The following CSMD1 variants were observed in gnomAD, a reference collection of about 807,000 sequenced individuals.
CSMD1 encodes the protein CUB and sushi domain-containing protein 1.
A neutral mutation model predicts 417.5 loss-of-function variants in CSMD1; 213 were observed. The observed-to-expected ratio is 0.51, with a 90% CI of 0.46 to 0.57. The LOEUF (loss-of-function observed/expected upper bound fraction) is 0.57, where lower values mean the gene tolerates loss of function less well. Among genes scored for constraint, CSMD1 ranks in the 20% least tolerant of loss-of-function variants. The pLI, the probability that CSMD1 is intolerant of heterozygous loss-of-function variation, is 0.00. For synonymous variants in CSMD1, 2,862 were observed against 1,736.8 expected, an observed-to-expected ratio of 1.65 and a Z score of -16.11; for missense variants, 6,923 against 4,529.7, an observed-to-expected ratio of 1.53 and a Z score of -15.17.
chr8:3,348,734 C>T (rs1259811771), intron 21 of CSMD1, among the ~76,000 whole-genome samples: 2 of 152,204 alleles, frequency 1.3e-5, no homozygotes, highest in Non-Finnish European at 2.9e-5. Flanking sequence ...TAATTATCTG[C>T]TTCTCCCTCT....
At chr8:4,301,823 A>C (rs567345916) in intron 3 of CSMD1, among the ~76,000 whole-genome samples, 1 of 152,204 alleles carries the variant, frequency 6.6e-6, no homozygotes, top group Admixed American at 6.6e-5. Context: ...GTCCCCATAA[A>C]CTTTTCAGAA....
intron 3 of CSMD1, among the ~76,000 whole-genome samples, chr8:4,100,795 C>G (rs904979428): frequency 6.6e-6 from 1 of 151,560 alleles, no homozygotes; most frequent in Non-Finnish European, 1.5e-5. Flanking sequence ...AGTATGGTGC[C>G]AAAAAATAAA....
At chr8:4,320,521 C>A (rs893270325) in intron 3 of CSMD1, among the ~76,000 whole-genome samples, 13 of 152,104 alleles carry the variant, frequency 8.5e-5, no homozygotes, top group East Asian at 3.9e-4. Flanking sequence ...CCCCCACCCC[C>A]CAACAGGCCC....
rs1193867756 is a variant in CSMD1, at chr8:4,266,665, T to C, written c.415+153288A>G. ...TATTTGTCATCTATGAACATTGATA[T>C]AACTTGAAAAATACATTATCAAAGA... On this transcript the variant is annotated intron_variant, in intron 3 of 69. Coordinates refer to ENST00000635120, the MANE Select transcript of CSMD1 (RefSeq NM_033225.6). Among the ~76,000 whole-genome samples, 2 of 105,090 alleles carry C rather than the reference T, an allele frequency of 1.9e-5. 1 individual carries two copies. The highest frequency in any genetic ancestry group is 5.2e-5 in the African/African-American group (2 of 38,526). 68.9% of individuals were successfully genotyped at this position (105,090 alleles called of 152,430 possible).
intron 2 of CSMD1, among the ~76,000 whole-genome samples, chr8:4,500,356 T>C (rs1037201542): frequency 6.6e-6 from 1 of 152,156 alleles, no homozygotes; most frequent in African/African-American, 2.4e-5. Flanking sequence ...AAACATATAA[T>C]AATAAATTGA....
rs558764956 is a variant in CSMD1 at position 4,938,094 on chromosome 8, A to T, written c.85+56238T>A. 1.3e-4 allele frequency among the ~76,000 whole-genome samples: 20 copies of T among 152,324 alleles called. No individual in the cohort carries two copies. The South Asian group carries it at 3.9e-3, about 30-fold the overall frequency. ...TGATTAAAATTTTATCCCTTTTAGTAGCAACAAAGAATTTTAAGTTAATAA... is the reference window on the plus strand; with the variant it reads ...TGATTAAAATTTTATCCCTTTTAGTTGCAACAAAGAATTTTAAGTTAATAA... On this transcript the variant is annotated intron_variant, in intron 1 of 69. Transcript: ENST00000635120.
At chr8:4,249,919 G>T (rs529820567) in intron 3 of CSMD1, among the ~76,000 whole-genome samples, 1 of 152,152 alleles carries the variant, frequency 6.6e-6, no homozygotes, top group African/African-American at 2.4e-5. Flanking sequence ...GAGCTCCTGG[G>T]AAGTGTTTAG....
At chr8:4,057,750 A>G (rs1301577345) in intron 3 of CSMD1, among the ~76,000 whole-genome samples, 3 of 152,020 alleles carry the variant, frequency 2.0e-5, no homozygotes, top group African/African-American at 7.2e-5. Context: ...CTTTCTACAT[A>G]TGGCTAGCCA....
In CSMD1 at chr8:3,029,458, C is replaced by T. The variant is rs1282988731; in HGVS notation, c.7716G>A (p.Leu2572=). 6 of 1,608,122 alleles carry T rather than the reference C, an allele frequency of 3.7e-6. No individual in the cohort carries two copies. The highest frequency in any genetic ancestry group is 4.2e-6 in the Non-Finnish European group (5 of 1,177,410). The change falls in exon 51 of 70, where the codon CTG becomes CTA. Residue 2572 remains leucine, a synonymous_variant. Transcript: ENST00000635120. ...AQLSEHVIWR[L]VSGSLNEYGA... ...CGTACTCATTCAAGGATCCTGAAAC[C>T]AGCCTCCAGATGACATGTTCTGAGA...
intron 3 of CSMD1, among the ~76,000 whole-genome samples, chr8:4,243,432 C>G (rs1802519132): frequency 6.6e-6 from 1 of 152,066 alleles, no homozygotes; most frequent in African/African-American, 2.4e-5. Context: ...TCCTTGTTCC[C>G]CTGTAACTGA....
chr8:4,470,502 A>G (rs1026112770), intron 2 of CSMD1, among the ~76,000 whole-genome samples: 2 of 152,234 alleles, frequency 1.3e-5, no homozygotes, highest in Admixed American at 6.5e-5. Flanking sequence ...AAGTGCATCA[A>G]ACACGGAATT....
chr8:3,867,088 T>C (rs959369410), intron 5 of CSMD1, among the ~76,000 whole-genome samples: 4 of 152,230 alleles, frequency 2.6e-5, no homozygotes, highest in Admixed American at 6.5e-5. Context: ...TTTAAAAATA[T>C]TGTAACCATT....
chr8:4,027,112 G>A (rs925199212), intron 4 of CSMD1, among the ~76,000 whole-genome samples: 5 of 152,162 alleles, frequency 3.3e-5, no homozygotes, highest in Non-Finnish European at 7.3e-5. Context: ...GCTTTGTGGA[G>A]CAAAAAGCTT....
At chr8:4,707,645 G>C (rs1453601253) in intron 1 of CSMD1, among the ~76,000 whole-genome samples, 2 of 151,976 alleles carry the variant, frequency 1.3e-5, no homozygotes, top group African/African-American at 4.8e-5. Context: ...CCAGCACTTT[G>C]GGAGGCCGAG....
intron 3 of CSMD1, among the ~76,000 whole-genome samples, chr8:4,114,135 T>A (rs913336629): frequency 4.6e-5 from 7 of 152,174 alleles, no homozygotes; most frequent in African/African-American, 1.4e-4. Context: ...GGAAAGAGGG[T>A]AAGTCAATGC....
chr8:4,015,847 T>C (rs956373782), intron 4 of CSMD1, among the ~76,000 whole-genome samples: 1 of 152,118 alleles, frequency 6.6e-6, no homozygotes, highest in Non-Finnish European at 1.5e-5. Context: ...CCAATAATGG[T>C]TCGTATGCTG....
At chr8:4,796,198 G>C (rs533178908) in intron 1 of CSMD1, among the ~76,000 whole-genome samples, 1 of 152,042 alleles carries the variant, frequency 6.6e-6, no homozygotes, top group South Asian at 2.1e-4. Context: ...AGGAAGACCA[G>C]CTCCCCCTGC....
chr8:4,479,617 T>C lies in CSMD1; in HGVS notation c.303-59552A>G, dbSNP rs560242974. On this transcript the variant is annotated intron_variant, in intron 2 of 69. Transcript: ENST00000635120. ...ACTGCTTTAAAAATGACTTTCCAGC[T>C]GGGTGCAGTGGCTCACGCCTGTAAT... is the stretch of plus-strand genomic sequence containing the variant. Among the ~76,000 whole-genome samples, 8 of 152,210 alleles carry C rather than the reference T, an allele frequency of 5.3e-5. No individual in the cohort carries two copies. The East Asian group carries it at 9.7e-4, about 18-fold the overall frequency.
intron 7 of CSMD1, among the ~76,000 whole-genome samples, chr8:3,623,819 T>G (rs944496387): frequency 4.6e-5 from 7 of 151,684 alleles, no homozygotes; most frequent in African/African-American, 1.7e-4. Context: ...CTACTAAAAA[T>G]TAAAAAAATT....
Sources: allele counts gnomAD v4.1 joint callset (sites outside exome capture counted in the v4.1 genomes callset), GRCh38; gene constraint gnomAD v4.1.1; transcripts MANE v1.5; gene names NCBI Gene and HGNC (gene_info 2026-07-23, HGNC 2026-07-21).